Variants in SLC6A5 observed in about 807,000 individuals in gnomAD.
SLC6A5 encodes solute carrier family 6 member 5.
A neutral mutation model predicts 90.5 loss-of-function variants in SLC6A5; 58 were observed. The observed-to-expected ratio is 0.64, with a 90% CI of 0.52 to 0.80. The LOEUF (loss-of-function observed/expected upper bound fraction) is 0.80, where lower values mean the gene tolerates loss of function less well. Ranked by LOEUF, SLC6A5 falls within the 30% of genes least tolerant of loss-of-function variation. The pLI is 0.00. For missense variants in SLC6A5, 1,015 were observed against 1,017.6 expected (o/e 1.00, Z 0.03); for synonymous variants, 427 against 401.4 (o/e 1.06, Z -0.76).
chr11:20,643,729 G>C (rs974305580), intron 13 of SLC6A5, among the ~76,000 whole-genome samples: 1 of 152,302 alleles, frequency 6.6e-6, no homozygotes, highest in Non-Finnish European at 1.5e-5. Context: ...GCAACCTAAG[G>C]CATTTTAGAG....
intron 13 of SLC6A5, among the ~76,000 whole-genome samples, chr11:20,641,245 G>A (rs1334466222): frequency 6.6e-6 from 1 of 152,090 alleles, no homozygotes; most frequent in Non-Finnish European, 1.5e-5. Context: ...CACTACCAAG[G>A]TCTCCTGCTT....
At chr11:20,627,284 G>A (rs1364327887) in intron 8 of SLC6A5, among the ~76,000 whole-genome samples, 1 of 152,206 alleles carries the variant, frequency 6.6e-6, no homozygotes, top group Non-Finnish European at 1.5e-5. Context: ...CACAGGGCCA[G>A]CACAAGCTGA....
Position 20,605,903 on chromosome 11 carries a change from C to A in SLC6A5, c.680-1104C>A, listed in dbSNP as rs1195924734. On this transcript the variant is annotated intron_variant, in intron 3 of 15. Coordinates refer to ENST00000525748, the MANE Select transcript of SLC6A5 (RefSeq NM_004211.5). Reference sequence around the variant, plus strand: ...GGACCCCGGTTTTACTGCCCAGCAGCCGGCGGCTGCCCCTGGGCCTTCCTG... The same window carrying A: ...GGACCCCGGTTTTACTGCCCAGCAGACGGCGGCTGCCCCTGGGCCTTCCTG... Among the ~76,000 whole-genome samples, 10 of 152,228 alleles carry A rather than the reference C, an allele frequency of 6.6e-5. No homozygotes were observed. The South Asian group carries it at 1.9e-3, about 28-fold the overall frequency.
At chr11:20,602,812 C>T (rs540711282) in intron 2 of SLC6A5, among the ~76,000 whole-genome samples, 10 of 152,330 alleles carry the variant, frequency 6.6e-5, no homozygotes, top group Admixed American at 5.9e-4. Flanking sequence ...TCGGGGTCCA[C>T]ATCCGGAGTG....
chr11:20,639,605 C>A (rs1346221692), intron 13 of SLC6A5, among the ~76,000 whole-genome samples: 1 of 152,160 alleles, frequency 6.6e-6, no homozygotes, highest in East Asian at 1.9e-4. Flanking sequence ...CCAGGTACCC[C>A]TGTTATGAGC....
At chr11:20,629,957 AG>A (rs996802592) in intron 9 of SLC6A5, among the ~76,000 whole-genome samples, 3 of 152,088 alleles carry the variant, frequency 2.0e-5, no homozygotes, top group African/African-American at 7.2e-5. Flanking sequence ...TCCTGACCTC[AG>A]GTGATCCACC....
chr11:20,632,662 G>T (rs914486781), intron 10 of SLC6A5, among the ~76,000 whole-genome samples: 2 of 152,152 alleles, frequency 1.3e-5, no homozygotes, highest in African/African-American at 4.8e-5. Context: ...GAACCTGGAT[G>T]TATTTTTATA....
At chr11:20,600,648 C>T (rs547842879) in intron 1 of SLC6A5, among the ~76,000 whole-genome samples, 1 of 152,212 alleles carries the variant, frequency 6.6e-6, no homozygotes, top group East Asian at 1.9e-4. Flanking sequence ...TGGCCTCAAG[C>T]GCTCGCAGGT....
At chr11:20,626,672 T>A in intron 7 of SLC6A5, 36 bp from the exon 8 acceptor site, 1 of 1,613,200 alleles carries the variant, frequency 6.2e-7, no homozygotes. Flanking sequence ...TCTGCAGGGC[T>A]GCTTCTTCCA....
chr11:20,627,873 C>G (rs142247855), intron 8 of SLC6A5, 107 bp from the exon 9 acceptor site: 1 of 811,136 alleles, frequency 1.2e-6, no homozygotes, highest in African/African-American at 1.7e-5. Context: ...TCATCTTGTC[C>G]CTGATGTTTC....
intron 7 of SLC6A5, among the ~76,000 whole-genome samples, chr11:20,624,956 T>A (rs1333937544): frequency 6.6e-6 from 1 of 152,182 alleles, no homozygotes; most frequent in Non-Finnish European, 1.5e-5. Flanking sequence ...AATCTACTAT[T>A]GTTGCCACTT....
chr11:20,648,957 C>A (rs942945878), intron 14 of SLC6A5, among the ~76,000 whole-genome samples: 1 of 152,084 alleles, frequency 6.6e-6, no homozygotes, highest in African/African-American at 2.4e-5. Flanking sequence ...AAGGAACTTG[C>A]CCCAGGCCAC....
intron 13 of SLC6A5, among the ~76,000 whole-genome samples, chr11:20,645,880 C>T (rs887788529): frequency 3.0e-4 from 45 of 152,138 alleles, no homozygotes; most frequent in African/African-American, 9.4e-4. Flanking sequence ...CGTGATCCAC[C>T]TGCCTTGGCC....
rs2133809394 is a variant in SLC6A5 at position 20,637,192 on chromosome 11, AG to A, written c.1759del (p.Val587Ter). ...TCCAGTTTGCCACCATCGAGACCAT[AG>A]TGACCTCCATCTCAGACGAGTTTCC... ...DTMFATIETI[V>X]TSISDEFPKY... On this transcript the variant is annotated frameshift_variant, in exon 12 of 16. Transcript: ENST00000525748. LOFTEE classifies it high-confidence loss of function. The A allele has an allele frequency of 2.5e-6, 4 of 1,613,862 alleles. No individual in the cohort carries two copies. Among genetic ancestry groups the A allele is most frequent in the Non-Finnish European group, 3.4e-6 (4 of 1,179,898 alleles).
intron 3 of SLC6A5, 127 bp downstream of exon 3, chr11:20,604,551 C>T: frequency 8.5e-7 from 1 of 1,175,470 alleles, no homozygotes; most frequent in Non-Finnish European, 1.2e-6. Context: ...AGGCTCCAGC[C>T]CTACACCTCG....
rs535321330 is a variant in SLC6A5 at position 20,606,949 on chromosome 11, G to A, written c.680-58G>A. On this transcript the variant is annotated intron_variant, in intron 3 of 15. Transcript: ENST00000525748. ...CTCAGCCCCTAGCCCAGAGGGTTAA[G>A]GAGGGCAGCAGCCTGCTTTTGCCTC... is the stretch of plus-strand genomic sequence containing the variant. 234 of 1,611,730 alleles carry A rather than the reference G, an allele frequency of 1.5e-4. No homozygotes were observed. The South Asian group carries it at 2.2e-3, about 15-fold the overall frequency.
At chr11:20,625,626 G>A (rs1304544332) in intron 7 of SLC6A5, among the ~76,000 whole-genome samples, 1 of 152,140 alleles carries the variant, frequency 6.6e-6, no homozygotes, top group Non-Finnish European at 1.5e-5. Context: ...CCTTTTGCTG[G>A]CATTCAAGTC....
intron 14 of SLC6A5, among the ~76,000 whole-genome samples, chr11:20,650,732 T>C (rs1853512194): frequency 6.9e-6 from 1 of 145,046 alleles, no homozygotes; most frequent in Admixed American, 7.1e-5. Flanking sequence ...AGTGGCGCGA[T>C]CTCGGCTCAC....
At chr11:20,643,429 G>T (rs142875162) in intron 13 of SLC6A5, among the ~76,000 whole-genome samples, 1 of 152,294 alleles carries the variant, frequency 6.6e-6, no homozygotes, top group African/African-American at 2.4e-5. Context: ...TGGGTCAGCT[G>T]CTCAAAGCAT....
Sources: allele counts gnomAD v4.1 joint callset (sites outside exome capture counted in the v4.1 genomes callset), GRCh38; gene constraint gnomAD v4.1.1; transcripts MANE v1.5; gene names NCBI Gene and HGNC (gene_info 2026-07-23, HGNC 2026-07-21).